HMCN2: variants seen among roughly 807,000 people sequenced by gnomAD.
The protein encoded by HMCN2 is hemicentin-2.
HMCN2 carries 325 observed loss-of-function variants against 377.5 expected under a neutral mutation model. That is an observed-to-expected ratio of 0.86 (90% CI 0.79 to 0.94). HMCN2 has a LOEUF of 0.94. Among genes scored for constraint, HMCN2 ranks in the 40% least tolerant of loss-of-function variants. The pLI, the probability that HMCN2 is intolerant of heterozygous loss-of-function variation, is 0.00. For missense variants in HMCN2, 4,543 were observed against 4,725.3 expected, an observed-to-expected ratio of 0.96 and a Z score of 1.13; for synonymous variants, 2,007 against 2,046.8, an observed-to-expected ratio of 0.98 and a Z score of 0.53.
Position 130,321,814 on chromosome 9 carries a change from C to T in HMCN2, c.2803C>T (p.Arg935Ter), listed in dbSNP as rs1243322443. ...CCCACCTGGCAGCCGGCATTCCATCCGAGCAGACGGCAGCCTCCACCTTGA... is the reference window on the plus strand; with the variant it reads ...CCCACCTGGCAGCCGGCATTCCATCTGAGCAGACGGCAGCCTCCACCTTGA... ...PLPPGSRHSI[R>*]ADGSLHLDRA... Residue 935 changes from arginine to a stop codon, truncating the protein, a stop_gained, in exon 19 of 98, where the codon CGA becomes TGA. Coordinates refer to ENST00000683500, the MANE Select transcript of HMCN2 (RefSeq NM_001291815.2). LOFTEE classifies it high-confidence loss of function. 2 of 152,190 alleles carry T rather than the reference C, an allele frequency of 1.3e-5. No individual in the cohort carries two copies. Among genetic ancestry groups the T allele is most frequent in the African/African-American group, 2.4e-5 (1 of 41,424 alleles). The allele number at this position is 152,190 out of a possible 1,614,324, so 9.4% of individuals were successfully genotyped here. A position where few individuals can be genotyped will look rare whatever the true frequency, so the allele number is the denominator to read the frequency against.
intron 19 of HMCN2, among the ~76,000 whole-genome samples, chr9:130,322,993 C>T (rs1288807686): frequency 1.3e-5 from 2 of 152,150 alleles, no homozygotes; most frequent in African/African-American, 4.8e-5. Flanking sequence ...CTGGGTTGAG[C>T]GCTCAGGTGC....
intron 57 of HMCN2, 24 bp downstream of exon 57, chr9:130,383,624 C>T: frequency 2.0e-6 from 2 of 978,086 alleles, no homozygotes; most frequent in Non-Finnish European, 2.4e-6. Flanking sequence ...AGCAGGCAGC[C>T]CCTGTGGGTT....
At position 130,427,518 on chromosome 9, in the gene HMCN2, G is replaced by T. The variant is rs571855620; in HGVS notation, c.13964G>T (p.Gly4655Val). The T allele has an allele frequency of 1.3e-6, 2 of 1,550,362 alleles. No homozygotes were observed. The highest frequency in any genetic ancestry group is 1.7e-6 in the Non-Finnish European group (2 of 1,146,958). Residue 4655 changes from glycine (G) to valine (V), a missense_variant, in exon 92 of 98, where the codon GGC (glycine) becomes GTC (valine). By Grantham distance (109) the Gly-to-Val change is moderately radical (BLOSUM62 -3). Transcript: ENST00000683500. ...FCVDRDECSG[G>V]PSPCSHACLN... is the part of the protein sequence containing the mutation. ...CCAGACAGGGACGAGTGCTCAGGAG[G>T]CCCTAGCCCCTGCTCCCATGCCTGC...
chr9:130,338,550 C>T (rs1183904215), intron 23 of HMCN2: 2 of 152,372 alleles, frequency 1.3e-5, no homozygotes, highest in African/African-American at 4.8e-5. Flanking sequence ...GTGCCGCTCT[C>T]TCTCCATGTA....
Position 130,433,818 on chromosome 9 carries a change from G to C in HMCN2, c.*125G>C. 1.2e-6 allele frequency: 1 copy of C among 818,230 alleles called. No individual in the cohort carries two copies. The allele number at this position is 818,230 out of a possible 1,614,324, so 50.7% of individuals were successfully genotyped here. On this transcript the variant is annotated 3_prime_UTR_variant, in exon 98 of 98. Transcript: ENST00000683500. ...CGTCTCCCGCCCCGTGCGTCAGCGA[G>C]ACCTTGGGTCAACACGACCCTGCGC...
Position 130,384,709 on chromosome 9 carries a change from G to A in HMCN2, c.9017G>A (p.Arg3006Lys), listed in dbSNP as rs1356484901. The change falls in exon 59 of 98, where the codon AGA (arginine) becomes AAA (lysine). Residue 3006 changes from arginine to lysine, a missense_variant. By Grantham distance (26) the Arg-to-Lys change is conservative. Coordinates refer to ENST00000683500, the MANE Select transcript of HMCN2 (RefSeq NM_001291815.2). ...LPGTHTLQLGRARLSDSGMYT... is the reference protein window; with the variant it reads ...LPGTHTLQLGKARLSDSGMYT... The stretch of plus-strand genomic sequence containing the variant: ...GGCACCCACACGCTGCAGCTGGGGA[G>A]AGCACGGCTGTCGGACTCCGGGATG... 7.7e-7 allele frequency: 1 copy of A among 1,302,538 alleles called. No homozygotes were observed. The highest frequency in any genetic ancestry group is 1.0e-6 in the Non-Finnish European group (1 of 988,934). The allele number at this position is 1,302,538 out of a possible 1,614,324, so 80.7% of individuals were successfully genotyped here.
In HMCN2 at chr9:130,293,047, C is replaced by G. The variant is rs999149991; in HGVS notation, c.613-1808C>G. On this transcript the variant is annotated intron_variant, in intron 4 of 97. Transcript: ENST00000683500. ...CTACCTATCAATTTATCATCTATCTCTATCTGGAGAACTTATACTGATATT... is the reference window on the plus strand; with the variant it reads ...CTACCTATCAATTTATCATCTATCTGTATCTGGAGAACTTATACTGATATT... Among the ~76,000 whole-genome samples, 12 of 152,182 alleles carry G rather than the reference C, an allele frequency of 7.9e-5. No homozygotes were observed. In the South Asian group the frequency reaches 2.3e-3, roughly 29 times the overall value.
At chr9:130,291,285 C>T (rs1835747292) in intron 4 of HMCN2, among the ~76,000 whole-genome samples, 1 of 152,212 alleles carries the variant, frequency 6.6e-6, no homozygotes, top group Non-Finnish European at 1.5e-5. Flanking sequence ...TCTCAGCTCA[C>T]TGCAAACTCT....
chr9:130,360,423 C>A lies in HMCN2; in HGVS notation c.5774-5C>A. On this transcript the variant is annotated splice_polypyrimidine_tract_variant and splice_region_variant and intron_variant, in intron 37 of 97. Transcript: ENST00000683500. The surrounding 1 kb of genome is among the most constrained non-coding windows in gnomAD (Gnocchi z 4.7). Reference sequence around the variant, plus strand: ...TCCCCCTTGCATCTCTCTTCCTTTCCCCAGATGTCTCCTGGTTCAAGGGCC... The same window carrying A: ...TCCCCCTTGCATCTCTCTTCCTTTCACCAGATGTCTCCTGGTTCAAGGGCC... 9.3e-6 allele frequency: 12 copies of A among 1,287,086 alleles called. No individual in the cohort carries two copies. The highest frequency in any genetic ancestry group is 1.2e-5 in the Non-Finnish European group (12 of 979,286). The allele number at this position is 1,287,086 out of a possible 1,614,324, so 79.7% of individuals were successfully genotyped here. A position where few individuals can be genotyped will look rare whatever the true frequency, so the allele number is the denominator to read the frequency against.
At position 130,359,371 on chromosome 9, in the gene HMCN2, C is replaced by T; in HGVS notation, c.5730C>T (p.Ala1910=). ...GPVNKAVLEN[A]SVTLECLASG... ...TCAACAAGGCAGTGCTGGAAAATGC[C>T]TCAGTGACCTTGGAGTGTCTGGCTT... Residue 1910 remains alanine, a synonymous_variant, in exon 37 of 98, where the codon GCC becomes GCT. Coordinates refer to ENST00000683500, the MANE Select transcript of HMCN2 (RefSeq NM_001291815.2). The T allele has an allele frequency of 7.7e-7, 1 of 1,304,216 alleles. No individual in the cohort carries two copies. The highest frequency in any genetic ancestry group is 1.0e-6 in the Non-Finnish European group (1 of 988,746). The allele number at this position is 1,304,216 out of a possible 1,614,324, so 80.8% of individuals were successfully genotyped here. A position where few individuals can be genotyped will look rare whatever the true frequency, so the allele number is the denominator to read the frequency against.
intron 1 of HMCN2, among the ~76,000 whole-genome samples, chr9:130,271,016 T>C (rs1397596781): frequency 6.7e-6 from 1 of 149,190 alleles, no homozygotes; most frequent in Non-Finnish European, 1.5e-5. Context: ...TTTTGAGGAA[T>C]ACTGGTCAGC....
At chr9:130,429,805 C>T in intron 94 of HMCN2, 120 bp downstream of exon 94, 1 of 1,434,160 alleles carries the variant, frequency 7.0e-7, no homozygotes, top group Non-Finnish European at 9.2e-7. Context: ...AGCACCTCAG[C>T]TCAGGGGCTG....
intron 65 of HMCN2, 144 bp from the exon 66 acceptor site, chr9:130,391,791 T>G: frequency 1.9e-6 from 1 of 518,670 alleles, no homozygotes; most frequent in Non-Finnish European, 2.5e-6. Flanking sequence ...GTGTCCCCCA[T>G]GCAGCGGGCC....
In HMCN2 at chr9:130,393,517, C is replaced by T. The variant is rs575434939; in HGVS notation, c.10234+208C>T. On this transcript the variant is annotated intron_variant, in intron 67 of 97. Transcript: ENST00000683500. The surrounding 1 kb of genome is among the most constrained non-coding windows in gnomAD (Gnocchi z 5.2). ...GGCACTCTGGTATGCCCAGGATAGGCGGGGGCAGAGAGGCAGGAAGCAGCT... is the reference window on the plus strand; with the variant it reads ...GGCACTCTGGTATGCCCAGGATAGGTGGGGGCAGAGAGGCAGGAAGCAGCT... Among the ~76,000 whole-genome samples the T allele has an allele frequency of 7.2e-5, 11 of 152,262 alleles. No homozygotes were observed. Among genetic ancestry groups the T allele is most frequent in the East Asian group, 1.9e-4 (1 of 5,182 alleles).
Position 130,433,645 on chromosome 9 carries a change from C to T in HMCN2, c.15192C>T (p.His5064=), listed in dbSNP as rs1844910919. Residue 5064 remains histidine (H), a synonymous_variant, in exon 98 of 98, where the codon CAC becomes CAT. Coordinates refer to ENST00000683500, the MANE Select transcript of HMCN2 (RefSeq NM_001291815.2). ...CCGTGCGTGCTGCGGCACCGCGCCA[C>T]CAAAGCGTCTTCGTCTTGCTCATCG... is the stretch of plus-strand genomic sequence containing the variant. ...RLTVRAAAPR[H]QSVFVLLIAV... 1 of 1,518,404 alleles carries T rather than the reference C, an allele frequency of 6.6e-7. No homozygotes were observed. 94.1% of individuals were successfully genotyped at this position (1,518,404 alleles called of 1,614,324 possible).
chr9:130,400,046 C>G (rs1315407885), intron 76 of HMCN2, among the ~76,000 whole-genome samples: 1 of 152,038 alleles, frequency 6.6e-6, no homozygotes, highest in Non-Finnish European at 1.5e-5. Flanking sequence ...TCAAGCTGCT[C>G]AGCTTCTTGT....
rs529915082 is a variant in HMCN2, at chr9:130,410,716, G to A, written c.12961+64G>A. 6.5e-6 allele frequency: 9 copies of A among 1,389,144 alleles called. No homozygotes were observed. In the South Asian group the frequency reaches 8.7e-5, roughly 13 times the overall value. 86.1% of individuals were successfully genotyped at this position (1,389,144 alleles called of 1,614,324 possible). A position where few individuals can be genotyped will look rare whatever the true frequency, so the allele number is the denominator to read the frequency against. ...GTGCTCGGGGACAGCGGTGGCGTGT[G>A]CAGCCTAGAGGGCAGACGGCAGGGC... On this transcript the variant is annotated intron_variant, in intron 85 of 97. Coordinates refer to ENST00000683500, the MANE Select transcript of HMCN2 (RefSeq NM_001291815.2).
Position 130,425,687 on chromosome 9 carries a change from G to C in HMCN2, c.13642G>C (p.Asp4548His). The change falls in exon 90 of 98, where the codon GAC becomes CAC. Residue 4548 changes from aspartate to histidine, a missense_variant and splice_region_variant. By Grantham distance (81) the Asp-to-His change is moderately conservative. This residue lies in a region of HMCN2 where 1,155 missense variants were observed against 1,157.7 expected (regional missense o/e 1.00). Coordinates refer to ENST00000683500, the MANE Select transcript of HMCN2 (RefSeq NM_001291815.2). ...TCCTCCCCTCCTCTTCATCCTGCAGGACTTTGAGGAGCACTACGTGCAAAC... is the reference window on the plus strand; with the variant it reads ...TCCTCCCCTCCTCTTCATCCTGCAGCACTTTGAGGAGCACTACGTGCAAAC... ...SLADADLQVQ[D>H]FEEHYVQTGP... 6.5e-7 allele frequency: 1 copy of C among 1,543,000 alleles called. No individual in the cohort carries two copies. The highest frequency in any genetic ancestry group is 8.8e-7 in the Non-Finnish European group (1 of 1,142,674).
chr9:130,433,670 G>A lies in HMCN2; in HGVS notation c.15217G>A (p.Ala5073Thr), dbSNP rs768164317. The change falls in exon 98 of 98, where the codon GCC becomes ACC. Residue 5073 changes from alanine (A) to threonine (T), a missense_variant. Physicochemically the swap from Ala to Thr is moderately conservative, Grantham distance 58 (BLOSUM62 0). Around this residue, in one of 5 missense-constraint regions of HMCN2, gnomAD observed 1,155 missense variants for 1,157.7 expected, o/e 1.00. Transcript: ENST00000683500. Reference sequence around the variant, plus strand: ...CCAAAGCGTCTTCGTCTTGCTCATCGCCGTGTCCCCCTACCCCTACTAAAC... The same window carrying A: ...CCAAAGCGTCTTCGTCTTGCTCATCACCGTGTCCCCCTACCCCTACTAAAC... ...RHQSVFVLLI[A>T]VSPYPY The A allele has an allele frequency of 2.7e-6, 4 of 1,508,076 alleles. No homozygotes were observed. Among genetic ancestry groups the A allele is most frequent in the South Asian group, 1.3e-5 (1 of 79,416 alleles). 93.4% of individuals were successfully genotyped at this position (1,508,076 alleles called of 1,614,324 possible).
Sources: gnomAD v4.1 joint callset for allele counts (sites outside exome capture counted in the v4.1 genomes callset) on GRCh38, gnomAD v4.1.1 for gene constraint, gnomAD v4.1.1 regional missense constraint, Gnocchi (gnomAD v3.1) non-coding constraint, MANE v1.5 for transcripts, NCBI Gene and HGNC (gene_info 2026-07-23, HGNC 2026-07-21) for gene names.